CCDC57: variants seen among roughly 807,000 people sequenced by gnomAD.
The protein encoded by CCDC57 is coiled-coil domain containing 57, also known as coiled-coil domain-containing protein 57.
A neutral mutation model predicts 118.9 loss-of-function variants in CCDC57; 118 were observed. The observed-to-expected ratio is 0.99, with a 90% CI of 0.86 to 1.16. CCDC57 has a LOEUF of 1.16. Ranked by LOEUF, CCDC57 falls within the 50% of genes most tolerant of loss-of-function variation. The probability of loss-of-function intolerance (pLI) is 0.00; values close to 1 mark genes in which losing one functional copy is unlikely to be tolerated. For missense variants in CCDC57, 1,300 were observed against 1,320.7 expected, an observed-to-expected ratio of 0.98 and a Z score of 0.24; for synonymous variants, 527 against 532.9, an observed-to-expected ratio of 0.99 and a Z score of 0.15.
intron 8 of CCDC57, among the ~76,000 whole-genome samples, chr17:82,186,720 T>C (rs2046969330): frequency 1.3e-5 from 2 of 152,162 alleles, no homozygotes; most frequent in South Asian, 4.1e-4. Flanking sequence ...TGTGGGAGGA[T>C]CACTTGGGTC....
At position 82,127,710 on chromosome 17, in the gene CCDC57, G is replaced by A; in HGVS notation, c.2881C>T (p.Gln961Ter). Reference sequence around the variant, plus strand: ...CTCCTACCTGGAGTTGAGTCACCCTGGGAGGTGACACCAGAAGGGCTGGAT... The same window carrying A: ...CTCCTACCTGGAGTTGAGTCACCCTAGGAGGTGACACCAGAAGGGCTGGAT... Residue 961 changes from glutamine (Q) to a stop codon, truncating the protein, a stop_gained, in exon 19 of 20, where the codon CAG (glutamine) becomes TAG (stop). Coordinates refer to ENST00000665763, the Ensembl canonical transcript of CCDC57. LOFTEE classifies it low-confidence loss of function (END_TRUNC). The A allele has an allele frequency of 6.2e-7, 1 of 1,607,656 alleles. No individual in the cohort carries two copies. Among genetic ancestry groups the A allele is most frequent in the Non-Finnish European group, 8.5e-7 (1 of 1,176,734 alleles).
intron 17 of CCDC57, among the ~76,000 whole-genome samples, chr17:82,132,457 G>A (rs1221321427): frequency 1.3e-5 from 2 of 152,106 alleles, no homozygotes; most frequent in African/African-American, 2.4e-5. Context: ...GTGGGAATTC[G>A]GGACTGGCTC....
At chr17:82,181,576 G>GAAAAAAATGTAGCTCTCTCCAGT (rs2046215394) in intron 9 of CCDC57, among the ~76,000 whole-genome samples, 1 of 152,072 alleles carries the variant, frequency 6.6e-6, no homozygotes, top group Admixed American at 6.6e-5. Context: ...CAAGGAAGTA[G>GAAAAAAATGTAGCTCTCTCCAGT]AAAAAAATGT....
chr17:82,175,303 C>T (rs4321244), intron 11 of CCDC57, among the ~76,000 whole-genome samples: 2,417 of 152,358 alleles, frequency 0.016, 25 homozygotes, highest in Middle Eastern at 0.041. Context: ...TCCCAGGACG[C>T]GCTGAGGGTG....
At chr17:82,178,370 A>G in intron 11 of CCDC57, 104 bp downstream of exon 10, 6 of 1,349,724 alleles carry the variant, frequency 4.4e-6, no homozygotes, top group Non-Finnish European at 5.9e-6. Context: ...AAAGAACACA[A>G]CTGAAAGACT....
At chr17:82,134,454 G>A (rs535034163) in intron 16 of CCDC57, 4 of 334,018 alleles carry the variant, frequency 1.2e-5, no homozygotes, top group East Asian at 4.5e-5. Flanking sequence ...AAGCACATTC[G>A]CTAACAGAAG....
intron 19 of CCDC57, among the ~76,000 whole-genome samples, chr17:82,105,454 A>G (rs2034779524): frequency 6.6e-6 from 1 of 152,124 alleles, no homozygotes; most frequent in African/African-American, 2.4e-5. Context: ...AGACGGTGAC[A>G]GTGAATGTGA....
At chr17:82,147,202 A>T (rs569328908) in intron 16 of CCDC57, among the ~76,000 whole-genome samples, 1 of 149,520 alleles carries the variant, frequency 6.7e-6, no homozygotes, top group African/African-American at 2.5e-5. Flanking sequence ...AAATGGATGG[A>T]TAGGTGGGTG....
At chr17:82,155,605 G>C (rs983944107) in intron 15 of CCDC57, 12 of 152,430 alleles carry the variant, frequency 7.9e-5, no homozygotes, top group Non-Finnish European at 1.6e-4. Context: ...TCTCAGGACA[G>C]AGCTGGGATC....
intron 16 of CCDC57, among the ~76,000 whole-genome samples, chr17:82,134,710 C>T (rs1045590727): frequency 1.3e-5 from 2 of 152,116 alleles, no homozygotes; most frequent in African/African-American, 4.8e-5. Flanking sequence ...AGAAGAATTG[C>T]TTGAACCCGG....
chr17:82,139,916 G>C (rs893725941), intron 16 of CCDC57, among the ~76,000 whole-genome samples: 1 of 152,202 alleles, frequency 6.6e-6, no homozygotes, highest in Non-Finnish European at 1.5e-5. Flanking sequence ...ACCGATGGTG[G>C]AGGATGACAG....
chr17:82,170,341 C>T (rs759264541), intron 13 of CCDC57, among the ~76,000 whole-genome samples: 10 of 152,040 alleles, frequency 6.6e-5, no homozygotes, highest in Non-Finnish European at 1.0e-4. Context: ...AACCTCATCT[C>T]TACTAAAAAT....
rs1163152482 is a variant in CCDC57 at position 82,188,345 on chromosome 17, T to A, written c.926A>T (p.Gln309Leu). Residue 309 changes from glutamine (Q) to leucine (L), a missense_variant, in exon 8 of 20, where the codon CAG becomes CTG. Transcript: ENST00000665763. ...AACCCTGGTCTGCAGCTCCTGCAGC[T>A]GCTCCACGTGGGCTCCCTTCACCGC... The A allele has an allele frequency of 3.1e-6, 5 of 1,610,330 alleles. No homozygotes were observed. Among genetic ancestry groups the A allele is most frequent in the Non-Finnish European group, 3.4e-6 (4 of 1,179,400 alleles).
chr17:82,127,832 G>A, exon 19 of CCDC57: 1 of 1,610,730 alleles, frequency 6.2e-7, no homozygotes, highest in African/African-American at 1.3e-5. Context: ...GTGCTGGGGA[G>A]CCTGGGGTGG....
At chr17:82,174,965 G>A (rs759773338) in intron 11 of CCDC57, among the ~76,000 whole-genome samples, 7 of 152,218 alleles carry the variant, frequency 4.6e-5, no homozygotes, top group Non-Finnish European at 1.0e-4. Flanking sequence ...TCGTTTCAGA[G>A]TGTGGCGTCT....
At position 82,192,676 on chromosome 17, in the gene CCDC57, G is replaced by A. The variant is rs1425834508; in HGVS notation, c.851+1080C>T. Among the ~76,000 whole-genome samples, 2 of 152,166 alleles carry A rather than the reference G, an allele frequency of 1.3e-5. No homozygotes were observed. The highest frequency in any genetic ancestry group is 2.4e-5 in the African/African-American group (1 of 41,438). ...TCATCTAGGTAGAGAACCCGGATGG[G>A]TGCCCTCACAATGCGAGCCAGCTGA... On this transcript the variant is annotated intron_variant, in intron 7 of 19. Transcript: ENST00000665763. The surrounding 1 kb of genome is among the most constrained non-coding windows in gnomAD (Gnocchi z 4.0).
At position 82,149,142 on chromosome 17, in the gene CCDC57, A is replaced by ATGGG. The variant is rs1435563370; in HGVS notation, c.2455+2414_2455+2417dup. Among the ~76,000 whole-genome samples, 14 of 126,366 alleles carry ATGGG rather than the reference A, an allele frequency of 1.1e-4. 2 individuals carry two copies. The highest frequency in any genetic ancestry group is 3.6e-4 in the African/African-American group (12 of 33,068). The allele number at this position is 126,366 out of a possible 152,430, so 82.9% of individuals were successfully genotyped here. Reference sequence around the variant, plus strand: ...GTTGCATGGATGGATGGATGGATGGATGGGTGGATGAATAAATAGGTGGGT... The same window carrying ATGGG: ...GTTGCATGGATGGATGGATGGATGGATGGGTGGGTGGATGAATAAATAGGTGGGT... On this transcript the variant is annotated intron_variant, in intron 16 of 19. Coordinates refer to ENST00000665763, the Ensembl canonical transcript of CCDC57.
chr17:82,135,887 C>G (rs1856882899), intron 16 of CCDC57, among the ~76,000 whole-genome samples: 1 of 151,822 alleles, frequency 6.6e-6, no homozygotes, highest in African/African-American at 2.4e-5. Context: ...AGTGAGATCC[C>G]ACCTCTATTT....
exon 5 of CCDC57, chr17:82,195,297 T>C (rs2048164725): frequency 1.2e-6 from 2 of 1,602,360 alleles, no homozygotes; most frequent in Non-Finnish European, 1.7e-6. Context: ...GTTGCTCATG[T>C]TGTCAGCCTG....
Sources: allele counts gnomAD v4.1 joint callset (sites outside exome capture counted in the v4.1 genomes callset), GRCh38; gene constraint gnomAD v4.1.1; non-coding constraint Gnocchi (gnomAD v3.1); transcripts MANE v1.5; gene names NCBI Gene and HGNC (gene_info 2026-07-23, HGNC 2026-07-21).